Variants in FKBP6 observed in about 807,000 individuals in gnomAD.
FKBP6 encodes the protein inactive peptidyl-prolyl cis-trans isomerase FKBP6.
Under a neutral mutation model 41.7 loss-of-function variants are expected in FKBP6, and 29 were observed. The ratio of observed to expected loss-of-function variants is 0.70; its 90% CI spans 0.52 to 0.95. The LOEUF is 0.95. Among genes scored for constraint, FKBP6 ranks in the 40% least tolerant of loss-of-function variants. The pLI, the probability that FKBP6 is intolerant of heterozygous loss-of-function variation, is 0.00. For synonymous variants in FKBP6, 130 were observed against 165.1 expected (o/e 0.79, Z 1.63); for missense variants, 338 against 408.7 (o/e 0.83, Z 1.49).
At chr7:73,340,269 C>A (rs1554549200) in intron 5 of FKBP6, among the ~76,000 whole-genome samples, 1 of 152,132 alleles carries the variant, frequency 6.6e-6, no homozygotes. Flanking sequence ...TGGCTCACGC[C>A]TGTAATCCCA....
chr7:73,335,212 A>C (rs1295386673), intron 5 of FKBP6, among the ~76,000 whole-genome samples: 1 of 151,856 alleles, frequency 6.6e-6, no homozygotes, highest in Non-Finnish European at 1.5e-5. Context: ...CACCTCTTTC[A>C]CAGAGGGTTT....
intron 8 of FKBP6, 104 bp downstream of exon 8, chr7:73,343,003 A>T (rs1805236787): frequency 1.2e-6 from 1 of 816,542 alleles, no homozygotes; most frequent in Non-Finnish European, 2.2e-6. Flanking sequence ...AGGGTGGACG[A>T]GGGGTAGACA....
chr7:73,356,666 AT>A (rs1445317867), intron 8 of FKBP6, among the ~76,000 whole-genome samples: 1 of 152,174 alleles, frequency 6.6e-6, no homozygotes, highest in Non-Finnish European at 1.5e-5. Flanking sequence ...TTTTTAAGTT[AT>A]TTTTGATAAC....
chr7:73,331,953 T>C (rs1171643420), intron 5 of FKBP6, among the ~76,000 whole-genome samples, 177 bp downstream of exon 5: 3 of 152,078 alleles, frequency 2.0e-5, no homozygotes, highest in African/African-American at 7.2e-5. Context: ...AAGCTCCGCC[T>C]CCTGGGTTCA....
chr7:73,331,635 T>G (rs782153018), intron 4 of FKBP6, 22 bp from the exon 5 acceptor site: 1 of 1,613,848 alleles, frequency 6.2e-7, no homozygotes, highest in East Asian at 2.2e-5. Flanking sequence ...CCTTGCTGAA[T>G]ATTCCTGTCT....
intron 8 of FKBP6, among the ~76,000 whole-genome samples, chr7:73,353,143 T>C (rs1805536162): frequency 6.6e-6 from 1 of 152,026 alleles, no homozygotes; most frequent in East Asian, 1.9e-4. Context: ...TCAGCCCCTC[T>C]CTCCCCTCTG....
intron 4 of FKBP6, among the ~76,000 whole-genome samples, chr7:73,330,749 G>A (rs1220186963): frequency 6.6e-6 from 1 of 152,196 alleles, no homozygotes; most frequent in Non-Finnish European, 1.5e-5. Flanking sequence ...GAGAGTAAAA[G>A]GGGCTGTTCA....
chr7:73,334,873 G>C (rs567190634), intron 5 of FKBP6, among the ~76,000 whole-genome samples: 14 of 152,244 alleles, frequency 9.2e-5, no homozygotes, highest in African/African-American at 3.4e-4. Flanking sequence ...GGGCCAGTTG[G>C]TGACTCTGCT....
At chr7:73,330,433 GC>G in intron 4 of FKBP6, 81 bp downstream of exon 4, 1 of 1,115,490 alleles carries the variant, frequency 9.0e-7, no homozygotes. Flanking sequence ...TAGATGGCCT[GC>G]CCTGAGGCTG....
rs182378355 is a variant in FKBP6, at chr7:73,355,817, A to G, written c.*3-2364A>G. Among the ~76,000 whole-genome samples the G allele has an allele frequency of 7.4e-3, 1,123 of 152,190 alleles. 15 individuals are homozygous for G. Among genetic ancestry groups the G allele is most frequent in the African/African-American group, 0.023 (960 of 41,534 alleles). ...TGCGATGGCTCACACCTGTAATCCC[A>G]GTACTTTGGGAGGCCGAAGCAGGCA... On this transcript the variant is annotated intron_variant, in intron 8 of 8. Coordinates refer to ENST00000252037, the MANE Select transcript of FKBP6 (RefSeq NM_003602.5).
intron 8 of FKBP6, among the ~76,000 whole-genome samples, chr7:73,348,807 T>C (rs1414833624): frequency 1.3e-5 from 2 of 152,170 alleles, no homozygotes; most frequent in Non-Finnish European, 2.9e-5. Context: ...CAGAGGTTTT[T>C]AAAAGGATAC....
chr7:73,357,045 G>C (rs1805651904), intron 8 of FKBP6, among the ~76,000 whole-genome samples: 1 of 152,084 alleles, frequency 6.6e-6, no homozygotes, highest in African/African-American at 2.4e-5. Context: ...GCCTCCCAAA[G>C]TGCTGGGATT....
intron 3 of FKBP6, chr7:73,329,713 C>T (rs782480736): frequency 2.5e-4 from 140 of 568,348 alleles, no homozygotes; most frequent in Non-Finnish European, 4.1e-4. Context: ...AAAACTCAAT[C>T]GAATACTTAC....
chr7:73,340,558 T>C, intron 5 of FKBP6, 80 bp from the exon 6 acceptor site: 2 of 1,165,934 alleles, frequency 1.7e-6, no homozygotes, highest in South Asian at 2.5e-5. Flanking sequence ...TTAGCTCTGA[T>C]AGTTTTTGCG....
intron 8 of FKBP6, among the ~76,000 whole-genome samples, chr7:73,344,978 A>T (rs1805295621): frequency 6.6e-6 from 1 of 152,166 alleles, no homozygotes; most frequent in Admixed American, 6.5e-5. Context: ...TCTCTTAAGT[A>T]TTAGTTATGT....
intron 8 of FKBP6, among the ~76,000 whole-genome samples, chr7:73,350,855 C>T (rs1266280987): frequency 1.3e-5 from 2 of 152,058 alleles, no homozygotes; most frequent in African/African-American, 4.8e-5. Context: ...AAATAGCTTT[C>T]CTGTGACCCG....
chr7:73,351,320 G>A (rs1049016458), intron 8 of FKBP6, among the ~76,000 whole-genome samples: 1 of 151,984 alleles, frequency 6.6e-6, no homozygotes, highest in Non-Finnish European at 1.5e-5. Context: ...GTGAGCCACC[G>A]CACCTGGCAA....
At chr7:73,337,206 T>C (rs1805030996) in intron 5 of FKBP6, among the ~76,000 whole-genome samples, 1 of 151,726 alleles carries the variant, frequency 6.6e-6, no homozygotes, top group Admixed American at 6.6e-5. Context: ...ACTTGCCTGG[T>C]GAATGCCCAG....
intron 8 of FKBP6, among the ~76,000 whole-genome samples, chr7:73,354,810 T>C (rs1805583220): frequency 6.6e-6 from 1 of 152,150 alleles, no homozygotes; most frequent in Non-Finnish European, 1.5e-5. Context: ...CACCAGATGA[T>C]GTTCATGGCT....
Sources: allele counts gnomAD v4.1 joint callset (sites outside exome capture counted in the v4.1 genomes callset), GRCh38; gene constraint gnomAD v4.1.1; transcripts MANE v1.5; gene names NCBI Gene and HGNC (gene_info 2026-07-23, HGNC 2026-07-21).